Variants in MAPK8 observed in about 807,000 individuals in gnomAD.
MAPK8 encodes the protein JUN N-terminal kinase.
Under a neutral mutation model 52.9 loss-of-function variants are expected in MAPK8, and 13 were observed. The observed-to-expected ratio is 0.25, with a 90% CI of 0.16 to 0.39. The LOEUF is 0.39. Among genes scored for constraint, MAPK8 ranks in the 10% least tolerant of loss-of-function variants. MAPK8 has a pLI of 1.00. For missense variants in MAPK8, 300 were observed against 519.2 expected, an observed-to-expected ratio of 0.58 and a Z score of 4.10; for synonymous variants, 191 against 169.8, an observed-to-expected ratio of 1.12 and a Z score of -0.97.
chr10:48,322,937 T>C (rs1192670294), intron 1 of MAPK8, among the ~76,000 whole-genome samples: 3 of 152,192 alleles, frequency 2.0e-5, no homozygotes, highest in African/African-American at 7.2e-5. Context: ...TTCTAGTTGC[T>C]CTCAGTACGA....
intron 1 of MAPK8, among the ~76,000 whole-genome samples, chr10:48,350,063 C>T (rs1307811801): frequency 6.6e-6 from 1 of 152,088 alleles, no homozygotes; most frequent in Non-Finnish European, 1.5e-5. Context: ...CAAGACTAAA[C>T]CAGGAAAAAG....
At chr10:48,333,199 A>G (rs1297758621) in intron 1 of MAPK8, among the ~76,000 whole-genome samples, 5 of 152,212 alleles carry the variant, frequency 3.3e-5, no homozygotes, top group African/African-American at 1.2e-4. Context: ...GGATTCAGGC[A>G]AGTATTTGTT....
chr10:48,352,457 A>G (rs190051054), intron 1 of MAPK8, among the ~76,000 whole-genome samples: 2 of 152,204 alleles, frequency 1.3e-5, no homozygotes, highest in East Asian at 3.8e-4. Flanking sequence ...TGGGAATGCA[A>G]GATTGATTCA....
chr10:48,360,816 A>G (rs955098665), intron 1 of MAPK8, among the ~76,000 whole-genome samples: 7 of 152,232 alleles, frequency 4.6e-5, no homozygotes, highest in Admixed American at 1.3e-4. Context: ...AAGCAAGGCA[A>G]TGATTTCCAC....
At chr10:48,357,448 G>A (rs1041336477) in intron 1 of MAPK8, among the ~76,000 whole-genome samples, 1 of 152,176 alleles carries the variant, frequency 6.6e-6, no homozygotes, top group Admixed American at 6.5e-5. Flanking sequence ...ATGCTGGAGT[G>A]CGGTGGCATG....
chr10:48,378,576 G>T (rs138925175), intron 1 of MAPK8, among the ~76,000 whole-genome samples: 1,850 of 152,204 alleles, frequency 0.012, 17 homozygotes, highest in Middle Eastern at 0.017. Flanking sequence ...CAGACTGGTT[G>T]TAGCCAGGAA....
At chr10:48,372,157 A>G (rs557963247) in intron 1 of MAPK8, among the ~76,000 whole-genome samples, 5 of 152,194 alleles carry the variant, frequency 3.3e-5, no homozygotes, top group South Asian at 2.1e-4. Flanking sequence ...TCCCCTTCCT[A>G]GAGGTTGGAG....
chr10:48,337,780 CCATAG>C (rs1482612518), intron 1 of MAPK8, among the ~76,000 whole-genome samples: 1 of 152,036 alleles, frequency 6.6e-6, no homozygotes, highest in Non-Finnish European at 1.5e-5. Context: ...ACAGTGGATA[CCATAG>C]AAATACAAAG....
chr10:48,318,071 A>G (rs1842673968), intron 1 of MAPK8, among the ~76,000 whole-genome samples: 1 of 151,914 alleles, frequency 6.6e-6, no homozygotes, highest in African/African-American at 2.4e-5. Context: ...TCGGAGTTAT[A>G]GGTAGGTAGA....
chr10:48,349,269 C>T (rs996892072), intron 1 of MAPK8, among the ~76,000 whole-genome samples: 7 of 152,080 alleles, frequency 4.6e-5, no homozygotes, highest in Non-Finnish European at 2.9e-5. Context: ...CTGGACCAAG[C>T]GGACCTAATA....
intron 1 of MAPK8, among the ~76,000 whole-genome samples, chr10:48,382,795 A>G (rs2041077828): frequency 1.4e-5 from 2 of 147,138 alleles, no homozygotes; most frequent in African/African-American, 2.5e-5. Flanking sequence ...ATATATACTT[A>G]TATATAATAT....
At chr10:48,360,748 G>C (rs1847444086) in intron 1 of MAPK8, among the ~76,000 whole-genome samples, 1 of 152,134 alleles carries the variant, frequency 6.6e-6, no homozygotes, top group Admixed American at 6.5e-5. Context: ...AGTTTGGTAA[G>C]AGCCAAAACC....
chr10:48,325,132 T>C (rs984846146), intron 1 of MAPK8, among the ~76,000 whole-genome samples: 4 of 152,004 alleles, frequency 2.6e-5, no homozygotes, highest in Non-Finnish European at 5.9e-5. Flanking sequence ...CGTGCCACCA[T>C]GCCTGGCTAA....
chr10:48,375,324 C>G (rs535323697), intron 1 of MAPK8, among the ~76,000 whole-genome samples: 1 of 152,014 alleles, frequency 6.6e-6, no homozygotes, highest in Non-Finnish European at 1.5e-5. Context: ...GTTTGAAAAC[C>G]GGCACAAGAC....
At position 48,425,402 on chromosome 10, in the gene MAPK8, G is replaced by A. The variant is rs761032112; in HGVS notation, c.689-486G>A. On this transcript the variant is annotated intron_variant, in intron 7 of 11. Transcript: ENST00000374189. Reference sequence around the variant, plus strand: ...GGCAAAAGAAAATGCCACTTTTATCGAAGCCTTTATTTTTATTACAACTGA... The same window carrying A: ...GGCAAAAGAAAATGCCACTTTTATCAAAGCCTTTATTTTTATTACAACTGA... 1.0e-4 allele frequency: 46 copies of A among 442,772 alleles called. No individual in the cohort carries two copies. In the East Asian group the frequency reaches 1.1e-3, roughly 11 times the overall value. 27.4% of individuals were successfully genotyped at this position (442,772 alleles called of 1,614,324 possible).
At chr10:48,308,670 A>G (rs1439225750) in intron 1 of MAPK8, among the ~76,000 whole-genome samples, 2 of 152,340 alleles carry the variant, frequency 1.3e-5, no homozygotes, top group African/African-American at 4.8e-5. Flanking sequence ...GATTGCATTT[A>G]TAATTTTGTG....
In MAPK8 at chr10:48,439,055, A is replaced by G. The variant is rs553441359; in HGVS notation, c.*4026A>G. On this transcript the variant is annotated 3_prime_UTR_variant, in exon 12 of 12. Coordinates refer to ENST00000374189, the MANE Select transcript of MAPK8 (RefSeq NM_001323329.2). ...GACATCTATTTTCTCATTACAGTTTATCCTGGTCAGCAGGGTGTCACACCT... is the reference window on the plus strand; with the variant it reads ...GACATCTATTTTCTCATTACAGTTTGTCCTGGTCAGCAGGGTGTCACACCT... 1 of 152,206 alleles carries G rather than the reference A, an allele frequency of 6.6e-6. No individual in the cohort carries two copies. The highest frequency in any genetic ancestry group is 2.1e-4 in the South Asian group (1 of 4,828). The allele number at this position is 152,206 out of a possible 1,614,324, so 9.4% of individuals were successfully genotyped here. A position where few individuals can be genotyped will look rare whatever the true frequency, so the allele number is the denominator to read the frequency against.
intron 7 of MAPK8, 48 bp from the exon 8 acceptor site, chr10:48,425,840 G>GAATA: frequency 5.4e-6 from 2 of 368,094 alleles, no homozygotes; most frequent in Non-Finnish European, 8.8e-6. Flanking sequence ...TATGACTAAT[G>GAATA]TATTGAACAT....
intron 6 of MAPK8, among the ~76,000 whole-genome samples, chr10:48,422,191 C>G (rs949716580): frequency 3.3e-5 from 5 of 152,148 alleles, no homozygotes; most frequent in African/African-American, 1.2e-4. Flanking sequence ...GCCACCATGC[C>G]TGGCTAATTT....
Sources: gnomAD v4.1 joint callset for allele counts (sites outside exome capture counted in the v4.1 genomes callset) on GRCh38, gnomAD v4.1.1 for gene constraint, MANE v1.5 for transcripts, NCBI Gene and HGNC (gene_info 2026-07-23, HGNC 2026-07-21) for gene names.